The following CARD10 variants were observed in gnomAD, a reference collection of about 807,000 sequenced individuals.
The protein encoded by CARD10 is caspase recruitment domain-containing protein 10.
Under a neutral mutation model 114.6 loss-of-function variants are expected in CARD10, and 49 were observed. The observed-to-expected ratio is 0.43, with a 90% CI of 0.34 to 0.54. The LOEUF (loss-of-function observed/expected upper bound fraction) is 0.54, where lower values mean the gene tolerates loss of function less well. Ranked by LOEUF, CARD10 falls within the 20% of genes least tolerant of loss-of-function variation. CARD10 has a pLI of 0.03. For synonymous variants in CARD10, 602 were observed against 593.2 expected (o/e 1.01, Z -0.21); for missense variants, 1,206 against 1,397.2 (o/e 0.86, Z 2.18).
Position 37,508,015 on chromosome 22 carries a change from G to GCA in CARD10, c.1066-63_1066-62dup, listed in dbSNP as rs1923474313. ...CTGGGGACCATGAGAAAGCTAACCA[G>GCA]CAGGTGCCCAGGAGGGCCAGTGAGA... On this transcript the variant is annotated intron_variant, in intron 5 of 19. Transcript: ENST00000251973. 8.7e-6 allele frequency: 14 copies of GCA among 1,602,950 alleles called. No homozygotes were observed. The East Asian group carries it at 3.1e-4, about 36-fold the overall frequency.
rs114398484 is a variant in CARD10 at position 37,498,580 on chromosome 22, C to A, written c.1788-1402G>T. On this transcript the variant is annotated intron_variant, in intron 11 of 19. Coordinates refer to ENST00000251973, the MANE Select transcript of CARD10 (RefSeq NM_014550.4). ...GGGCGCGGCTGCAAGGACCTCCCAC[C>A]CAATCGGCACTGCTGGGGAACAGCC... is the stretch of plus-strand genomic sequence containing the variant. Among the ~76,000 whole-genome samples the A allele has an allele frequency of 7.3e-3, 1,110 of 152,320 alleles. 15 individuals are homozygous for A. The highest frequency in any genetic ancestry group is 0.025 in the African/African-American group (1,054 of 41,556).
rs1484953849 is a variant in CARD10, at chr22:37,506,378, G to A, written c.1197C>T (p.Ile399=). 6.3e-7 allele frequency: 1 copy of A among 1,584,188 alleles called. No homozygotes were observed. ...EEIEKERDQA[I]QSRDRIQLQY... ...GCAACTGGATCCGGTCACGGCTCTG[G>A]ATGGCCTAGGGTTGGGGGAGGGGAG... Residue 399 remains isoleucine, a synonymous_variant, in exon 7 of 20, where the codon ATC becomes ATT. Coordinates refer to ENST00000251973, the MANE Select transcript of CARD10 (RefSeq NM_014550.4).
chr22:37,491,654 A>G (rs1464427090), intron 19 of CARD10, 101 bp downstream of exon 19: 20 of 232,930 alleles, frequency 8.6e-5, no homozygotes, highest in Middle Eastern at 8.6e-4. Flanking sequence ...GGGAGGGAGA[A>G]AGAGGGGGAG....
chr22:37,496,330 G>T lies in CARD10; in HGVS notation c.2059+119C>A. On this transcript the variant is annotated intron_variant, in intron 13 of 19. Transcript: ENST00000251973. This position sits in a 1 kb window ranked among gnomAD's most constrained non-coding sequence, Gnocchi z 4.1. ...GGCATCAGCAGGCGGGGAGCCAGGA[G>T]AAGGGCAATTGGGGCAAGGCTGGTC... 1.4e-6 allele frequency: 1 copy of T among 717,320 alleles called. No homozygotes were observed. Among genetic ancestry groups the T allele is most frequent in the South Asian group, 1.8e-5 (1 of 54,670 alleles). 44.4% of individuals were successfully genotyped at this position (717,320 alleles called of 1,614,324 possible). A position where few individuals can be genotyped will look rare whatever the true frequency, so the allele number is the denominator to read the frequency against.
intron 3 of CARD10, among the ~76,000 whole-genome samples, chr22:37,512,401 G>T (rs1347194481): frequency 6.6e-6 from 1 of 150,550 alleles, no homozygotes; most frequent in Admixed American, 6.7e-5. Flanking sequence ...GAGTCCCCTG[G>T]CCTCTCTTGG....
Position 37,492,929 on chromosome 22 carries a change from GCA to G in CARD10, c.2477-129_2477-128del, listed in dbSNP as rs369846218. The G allele has an allele frequency of 3.3e-4, 294 of 887,480 alleles. No individual in the cohort carries two copies. The highest frequency in any genetic ancestry group is 4.2e-4 in the Non-Finnish European group (247 of 589,564). 55.0% of individuals were successfully genotyped at this position (887,480 alleles called of 1,614,324 possible). On this transcript the variant is annotated intron_variant, in intron 16 of 19. Coordinates refer to ENST00000251973, the MANE Select transcript of CARD10 (RefSeq NM_014550.4). The surrounding 1 kb of genome is among the most constrained non-coding windows in gnomAD (Gnocchi z 5.7). ...TCCTGCTGCTGCTCCTCCTACACAT[GCA>G]CACACACACACCCTTAGTAGGACCG...
rs1198334322 is a variant in CARD10 at position 37,492,150 on chromosome 22, C to A, written c.2752-283G>T. ...CCACCACCCGCCACCTTATAGCCGA[C>A]TGCCAGCTCCCAGGATAGTGGCAAG... is the stretch of plus-strand genomic sequence containing the variant. On this transcript the variant is annotated intron_variant, in intron 18 of 19. Coordinates refer to ENST00000251973, the MANE Select transcript of CARD10 (RefSeq NM_014550.4). The surrounding 1 kb of genome is among the most constrained non-coding windows in gnomAD (Gnocchi z 5.7). Among the ~76,000 whole-genome samples the A allele has an allele frequency of 6.6e-6, 1 of 151,976 alleles. No individual in the cohort carries two copies. The highest frequency in any genetic ancestry group is 6.5e-5 in the Admixed American group (1 of 15,278).
At chr22:37,510,117 C>A in intron 4 of CARD10, 95 bp downstream of exon 4, 1 of 1,024,806 alleles carries the variant, frequency 9.8e-7, no homozygotes. Flanking sequence ...CTTCCTGATC[C>A]CCCACCCCGC....
At chr22:37,498,371 T>C (rs1923082868) in intron 11 of CARD10, among the ~76,000 whole-genome samples, 1 of 152,192 alleles carries the variant, frequency 6.6e-6, no homozygotes, top group Non-Finnish European at 1.5e-5. Context: ...GGTGAGGCCT[T>C]GTGGCCAGGC....
At chr22:37,491,436 G>A in intron 19 of CARD10, 43 bp from the exon 20 acceptor site, 1 of 1,361,918 alleles carries the variant, frequency 7.3e-7, no homozygotes, top group East Asian at 2.6e-5. Flanking sequence ...GGGGGACCAA[G>A]ACAGACAGAG....
rs745789566 is a variant in CARD10, at chr22:37,510,326, C to G, written c.795G>C (p.Glu265Asp). ...RGPPPGAEEK[E>D]KEKEKEKEPD... ...GCTCCTTCTCCTTCTCCTTCTCCTT[C>G]TCCTTCTCCTCTGCCCCAGGGGGCG... Residue 265 changes from glutamate (E) to aspartate (D), a missense_variant, in exon 4 of 20, where the codon GAG becomes GAC. Physicochemically the swap from Glu to Asp is conservative, Grantham distance 45. Coordinates refer to ENST00000251973, the MANE Select transcript of CARD10 (RefSeq NM_014550.4). The G allele has an allele frequency of 6.8e-6, 11 of 1,610,450 alleles. No individual in the cohort carries two copies. Among genetic ancestry groups the G allele is most frequent in the Non-Finnish European group, 9.3e-6 (11 of 1,179,302 alleles).
At position 37,496,842 on chromosome 22, in the gene CARD10, A is replaced by G. The variant is rs145006446; in HGVS notation, c.1947+177T>C. On this transcript the variant is annotated intron_variant, in intron 12 of 19. Transcript: ENST00000251973. The surrounding 1 kb of genome is among the most constrained non-coding windows in gnomAD (Gnocchi z 4.1). ...GGCTCCACCTCCCAGTCCCTGCCCA[A>G]TCAGACTTCAATTAAGCCTGGCTGA... 263 of 784,478 alleles carry G rather than the reference A, an allele frequency of 3.4e-4. No individual in the cohort carries two copies. The African/African-American group carries it at 3.4e-3, about 10-fold the overall frequency. The allele number at this position is 784,478 out of a possible 1,614,324, so 48.6% of individuals were successfully genotyped here.
Position 37,496,127 on chromosome 22 carries a change from C to T in CARD10, c.2060-124G>A. The T allele has an allele frequency of 7.9e-7, 1 of 1,260,592 alleles. No homozygotes were observed. 78.1% of individuals were successfully genotyped at this position (1,260,592 alleles called of 1,614,324 possible). On this transcript the variant is annotated intron_variant, in intron 13 of 19. Coordinates refer to ENST00000251973, the MANE Select transcript of CARD10 (RefSeq NM_014550.4). This position sits in a 1 kb window ranked among gnomAD's most constrained non-coding sequence, Gnocchi z 4.1. ...GCCTGAGTTCCCAGGACCCGACCTT[C>T]ACCTTCTTAGAATGACTTAGGTCCA...
At chr22:37,512,564 A>ACTC (rs367675271) in intron 3 of CARD10, among the ~76,000 whole-genome samples, 3 of 147,520 alleles carry the variant, frequency 2.0e-5, no homozygotes, top group Non-Finnish European at 4.5e-5. Context: ...TTAACAGTCC[A>ACTC]CTCCTCCTCC....
At chr22:37,493,905 C>T (rs556006255) in intron 16 of CARD10, among the ~76,000 whole-genome samples, 181 bp downstream of exon 16, 7 of 152,332 alleles carry the variant, frequency 4.6e-5, no homozygotes, top group Non-Finnish European at 1.0e-4. Context: ...CCTTGGCAAT[C>T]ACCATGGCAG....
Position 37,502,685 on chromosome 22 carries a change from C to T in CARD10, c.1704G>A (p.Ser568=), listed in dbSNP as rs111415655. 2.2e-5 allele frequency: 35 copies of T among 1,613,642 alleles called. No individual in the cohort carries two copies. Among genetic ancestry groups the T allele is most frequent in the African/African-American group, 2.0e-4 (15 of 74,898 alleles). Residue 568 remains serine, a synonymous_variant, in exon 11 of 20, where the codon TCG becomes TCA. Coordinates refer to ENST00000251973, the MANE Select transcript of CARD10 (RefSeq NM_014550.4). ...TLKPWSPGLS[S]SSSSDSVWPL... is the part of the protein sequence containing the mutation. The stretch of plus-strand genomic sequence containing the variant: ...GCCACACGCTGTCAGAGGATGAGGA[C>T]GAAGAGAGGCCAGGGGACCAGGGCT...
intron 15 of CARD10, 95 bp downstream of exon 15, chr22:37,495,422 T>C (rs1922961452): frequency 2.2e-6 from 2 of 904,478 alleles, no homozygotes; most frequent in African/African-American, 1.7e-5. Context: ...AGGGAGGGAG[T>C]GTCTTCCTAG....
At chr22:37,509,480 C>T (rs907568247) in intron 4 of CARD10, among the ~76,000 whole-genome samples, 1 of 152,108 alleles carries the variant, frequency 6.6e-6, no homozygotes, top group Non-Finnish European at 1.5e-5. Context: ...ACCGGGACTC[C>T]ATCCAGATCT....
chr22:37,495,852 C>A lies in CARD10; in HGVS notation c.2211G>T (p.Ser737=), dbSNP rs755957301. The change falls in exon 14 of 20, where the codon TCG becomes TCT. Residue 737 remains serine, a synonymous_variant. Coordinates refer to ENST00000251973, the MANE Select transcript of CARD10 (RefSeq NM_014550.4). ...KAQEILRLVD[S]AYKRRQEWFC... ...ACCATTCCTGCCTCCGCTTGTATGCCGAGTCCACCAGTCGAAGGATCTCTT... is the reference window on the plus strand; with the variant it reads ...ACCATTCCTGCCTCCGCTTGTATGCAGAGTCCACCAGTCGAAGGATCTCTT... The A allele has an allele frequency of 6.2e-7, 1 of 1,614,132 alleles. No homozygotes were observed. Among genetic ancestry groups the A allele is most frequent in the Non-Finnish European group, 8.5e-7 (1 of 1,180,046 alleles).
Sources: gnomAD v4.1 joint callset for allele counts (sites outside exome capture counted in the v4.1 genomes callset) on GRCh38, gnomAD v4.1.1 for gene constraint, Gnocchi (gnomAD v3.1) non-coding constraint, MANE v1.5 for transcripts, NCBI Gene and HGNC (gene_info 2026-07-23, HGNC 2026-07-21) for gene names.